Variants in SPRED2 observed in about 807,000 individuals in gnomAD.
The protein encoded by SPRED2 is sprouty related EVH1 domain containing 2.
A neutral mutation model predicts 43.0 loss-of-function variants in SPRED2; 47 were observed. The ratio of observed to expected loss-of-function variants is 1.09; its 90% CI spans 0.87 to 1.40. The LOEUF is 1.40. Among genes scored for constraint, SPRED2 ranks in the 40% most tolerant of loss-of-function variants. The pLI is 0.00. For synonymous variants in SPRED2, 225 were observed against 225.7 expected, an observed-to-expected ratio of 1.00 and a Z score of 0.03; for missense variants, 561 against 586.4, an observed-to-expected ratio of 0.96 and a Z score of 0.45.
chr2:65,422,104 A>ACACACACACACACT lies in SPRED2; in HGVS notation c.26+9857_26+9858insAGTGTGTGTGTGTG, dbSNP rs1299857849. On this transcript the variant is annotated intron_variant, in intron 1 of 5. Coordinates refer to ENST00000356388, the MANE Select transcript of SPRED2 (RefSeq NM_181784.3). ...CACACACACACACACACACACACAC[A>ACACACACACACACT]CTCTCTCTCTCTCTCTCTCTCTCTC... is the stretch of plus-strand genomic sequence containing the variant. Among the ~76,000 whole-genome samples the ACACACACACACACT allele has an allele frequency of 4.9e-3, 635 of 128,966 alleles. 3 individuals carry two copies. Among genetic ancestry groups the ACACACACACACACT allele is most frequent in the South Asian group, 0.018 (65 of 3,576 alleles). The allele number at this position is 128,966 out of a possible 152,430, so 84.6% of individuals were successfully genotyped here.
chr2:65,323,959 C>CATGTT (rs144495326), intron 4 of SPRED2, among the ~76,000 whole-genome samples: 3,934 of 151,728 alleles, frequency 0.026, 164 homozygotes, highest in African/African-American at 0.091. Context: ...AGAAAGTGAC[C>CATGTT]ATGTTGTTGG....
At chr2:65,359,904 A>T (rs1176971911) in intron 1 of SPRED2, among the ~76,000 whole-genome samples, 2 of 151,952 alleles carry the variant, frequency 1.3e-5, no homozygotes, top group East Asian at 3.9e-4. Flanking sequence ...GTCTCTACTA[A>T]AAGTACAAAA....
At position 65,431,977 on chromosome 2, in the gene SPRED2, T is replaced by C. The variant is rs780275431; in HGVS notation, c.11A>G (p.Glu4Gly). 1.9e-6 allele frequency: 3 copies of C among 1,613,914 alleles called. No individual in the cohort carries two copies. Among genetic ancestry groups the C allele is most frequent in the African/African-American group, 1.3e-5 (1 of 74,936 alleles). Reference protein sequence around the residue: MTEETHPDDDSYIV... With the variant: MTEGTHPDDDSYIV... ...CCAAACTTACTCGTCTGGGTGTGTT[T>C]CTTCGGTCATTTTCTTGTTCACCTA... Residue 4 changes from glutamate (E) to glycine (G), a missense_variant, in exon 1 of 6, where the codon GAA (glutamate) becomes GGA (glycine). Coordinates refer to ENST00000356388, the MANE Select transcript of SPRED2 (RefSeq NM_181784.3).
intron 1 of SPRED2, among the ~76,000 whole-genome samples, chr2:65,416,192 G>C (rs1262169407): frequency 1.3e-5 from 2 of 152,156 alleles, no homozygotes; most frequent in Non-Finnish European, 2.9e-5. Flanking sequence ...AGATTCAATC[G>C]GTCTACGGAT....
intron 1 of SPRED2, among the ~76,000 whole-genome samples, chr2:65,399,926 T>C (rs964711376): frequency 6.6e-6 from 1 of 152,120 alleles, no homozygotes; most frequent in African/African-American, 2.4e-5. Context: ...AAAGAACTTA[T>C]TCATGTAACC....
intron 1 of SPRED2, among the ~76,000 whole-genome samples, chr2:65,388,520 A>G (rs1675556296): frequency 6.6e-6 from 1 of 152,154 alleles, no homozygotes; most frequent in African/African-American, 2.4e-5. Flanking sequence ...TGAGCCCATA[A>G]GAGTATAGTG....
intron 1 of SPRED2, among the ~76,000 whole-genome samples, chr2:65,410,758 CAAA>C (rs61170317): frequency 2.3e-5 from 3 of 128,840 alleles, no homozygotes; most frequent in African/African-American, 5.7e-5. Flanking sequence ...GACTCTGTCT[CAAA>C]AAAAAAAAAA....
At chr2:65,336,913 C>T (rs1473826388) in intron 2 of SPRED2, among the ~76,000 whole-genome samples, 4 of 152,156 alleles carry the variant, frequency 2.6e-5, no homozygotes, top group Non-Finnish European at 5.9e-5. Context: ...TCGAGACCAT[C>T]GTGGCTAACA....
At chr2:65,343,482 T>G (rs1674248883) in intron 2 of SPRED2, among the ~76,000 whole-genome samples, 1 of 152,234 alleles carries the variant, frequency 6.6e-6, no homozygotes, top group Non-Finnish European at 1.5e-5. Context: ...ATTTGTACAC[T>G]TAACACATAA....
chr2:65,334,804 T>C, intron 2 of SPRED2, 31 bp from the exon 3 acceptor site: 1 of 1,609,616 alleles, frequency 6.2e-7, no homozygotes, highest in Non-Finnish European at 8.5e-7. Flanking sequence ...GGCTGGTTAC[T>C]AGTGGAACAG....
intron 2 of SPRED2, among the ~76,000 whole-genome samples, chr2:65,343,550 T>A (rs1043305637): frequency 6.6e-6 from 1 of 152,206 alleles, no homozygotes; most frequent in African/African-American, 2.4e-5. Flanking sequence ...ATTCTTGTGG[T>A]GTCTTTGCAT....
At chr2:65,421,787 G>C (rs1676429395) in intron 1 of SPRED2, among the ~76,000 whole-genome samples, 1 of 152,196 alleles carries the variant, frequency 6.6e-6, no homozygotes, top group South Asian at 2.1e-4. Context: ...GATTCTAAAT[G>C]AGTTCTAATT....
At chr2:65,324,482 C>G (rs200320852) in intron 4 of SPRED2, among the ~76,000 whole-genome samples, 18 of 152,184 alleles carry the variant, frequency 1.2e-4, no homozygotes, top group Admixed American at 1.2e-3. Flanking sequence ...AACAGGGCAA[C>G]ACCTCAGGTT....
At chr2:65,362,656 C>T (rs13018688) in intron 1 of SPRED2, among the ~76,000 whole-genome samples, 5 of 151,928 alleles carry the variant, frequency 3.3e-5, no homozygotes, top group African/African-American at 1.2e-4. Context: ...GTCAGGGGTT[C>T]GAGACCAGCC....
At chr2:65,382,648 A>G (rs2103652359) in intron 1 of SPRED2, among the ~76,000 whole-genome samples, 1 of 152,370 alleles carries the variant, frequency 6.6e-6, no homozygotes, top group African/African-American at 2.4e-5. Flanking sequence ...CATTAATTAT[A>G]ACATAGTTGA....
chr2:65,342,147 A>ATATGTATATTTTATATGCATATATTATG (rs1558659923), intron 2 of SPRED2, among the ~76,000 whole-genome samples: 12 of 149,028 alleles, frequency 8.1e-5, no homozygotes, highest in African/African-American at 3.0e-4. Context: ...ATAAGATTTT[A>ATATGTATATTTTATATGCATATATTATG]TATGTATATT....
At chr2:65,400,501 CT>C (rs1305012749) in intron 1 of SPRED2, among the ~76,000 whole-genome samples, 1 of 152,164 alleles carries the variant, frequency 6.6e-6, no homozygotes, top group Non-Finnish European at 1.5e-5. Flanking sequence ...CATCCCCCAT[CT>C]TTTTTATCCT....
intron 2 of SPRED2, among the ~76,000 whole-genome samples, chr2:65,341,104 C>CGTGT (rs60332643): frequency 0.022 from 3,072 of 136,996 alleles, 71 homozygotes; most frequent in African/African-American, 0.056. Flanking sequence ...TGGGTACGGG[C>CGTGT]GTGTGTGTGT....
intron 1 of SPRED2, among the ~76,000 whole-genome samples, chr2:65,393,258 C>T (rs563475741): frequency 6.6e-6 from 1 of 152,262 alleles, no homozygotes; most frequent in East Asian, 1.9e-4. Context: ...GCCTCTACTC[C>T]CTTCCCCAAA....
Sources: gnomAD v4.1 joint callset for allele counts (sites outside exome capture counted in the v4.1 genomes callset) on GRCh38, gnomAD v4.1.1 for gene constraint, MANE v1.5 for transcripts, NCBI Gene and HGNC (gene_info 2026-07-23, HGNC 2026-07-21) for gene names.